The following EEF1E1 variants were observed in gnomAD, a reference collection of about 807,000 sequenced individuals.
EEF1E1 encodes the protein eukaryotic translation elongation factor 1 epsilon-1.
EEF1E1 carries 19 observed loss-of-function variants against 19.9 expected under a neutral mutation model. The observed-to-expected ratio is 0.95, with a 90% confidence interval of 0.66 to 1.40. The LOEUF is 1.40. Among genes scored for constraint, EEF1E1 ranks in the 40% most tolerant of loss-of-function variants. The pLI, the probability that EEF1E1 is intolerant of heterozygous loss-of-function variation, is 0.00. For synonymous variants in EEF1E1, 81 were observed against 80.0 expected, an observed-to-expected ratio of 1.01 and a Z score of -0.07; for missense variants, 198 against 202.2, an observed-to-expected ratio of 0.98 and a Z score of 0.13.
chr6:8,077,000 T>C (rs1029648770), downstream of EEF1E1, among the ~76,000 whole-genome samples: 13 of 51,964 alleles, frequency 2.5e-4, no homozygotes, highest in African/African-American at 6.1e-4. Flanking sequence ...TGGAGTGCAG[T>C]GGCAGCGATC....
chr6:8,084,920 C>CT (rs1444005734), intron 3 of EEF1E1, among the ~76,000 whole-genome samples: 1 of 152,048 alleles, frequency 6.6e-6, no homozygotes, highest in Non-Finnish European at 1.5e-5. Context: ...ACCTTGCAGG[C>CT]TTTTTTTGTT....
At chr6:8,077,499 C>T (rs780881836), downstream of EEF1E1, among the ~76,000 whole-genome samples, 1 of 152,198 alleles carries the variant, frequency 6.6e-6, no homozygotes, top group Non-Finnish European at 1.5e-5. Context: ...TTAGCTAGAT[C>T]TTGCAGTCTA....
chr6:8,094,189 G>C (rs1758101444), intron 2 of EEF1E1, among the ~76,000 whole-genome samples: 1 of 152,148 alleles, frequency 6.6e-6, no homozygotes, highest in Non-Finnish European at 1.5e-5. Context: ...TTTTGTGGAA[G>C]AGGCCACTCT....
chr6:8,099,778 ACACAC>A (rs1309469305), intron 1 of EEF1E1, among the ~76,000 whole-genome samples: 35 of 127,296 alleles, frequency 2.7e-4, no homozygotes, highest in Non-Finnish European at 3.3e-4. Context: ...ACACACACAC[ACACAC>A]ACACACACAA....
rs1757978899 is a variant in EEF1E1, at chr6:8,090,226, AATGTAAAGTTATACCCTG to A, written c.326_343del (p.Thr109_Leu115delinsIle). On this transcript the variant is annotated inframe_deletion, in exon 3 of 4. Transcript: ENST00000379715. The stretch of plus-strand genomic sequence containing the variant: ...TCCATAGTACAATAGTATATCTGCT[AATGTAAAGTTATACCCTG>A]TAAGGTAGACTTTATCTTCAAGATA... 1 of 1,526,684 alleles carries A rather than the reference AATGTAAAGTTATACCCTG, an allele frequency of 6.6e-7. No homozygotes were observed. Among genetic ancestry groups the A allele is most frequent in the African/African-American group, 1.4e-5 (1 of 69,800 alleles). The allele number at this position is 1,526,684 out of a possible 1,614,324, so 94.6% of individuals were successfully genotyped here.
At chr6:8,088,429 G>T (rs1291911707) in intron 3 of EEF1E1, among the ~76,000 whole-genome samples, 1 of 152,136 alleles carries the variant, frequency 6.6e-6, no homozygotes, top group African/African-American at 2.4e-5. Flanking sequence ...GGAACCTGGT[G>T]GGAGGTAATT....
intron 1 of EEF1E1, among the ~76,000 whole-genome samples, chr6:8,100,582 G>A (rs72496782): frequency 0.19 from 29,525 of 151,976 alleles, 3,346 homozygotes; most frequent in Non-Finnish European, 0.26. Context: ...ACTCAAGTTA[G>A]CTCACTGCAA....
chr6:8,082,277 TTTA>T (rs988862508), intron 3 of EEF1E1, among the ~76,000 whole-genome samples: 4 of 152,138 alleles, frequency 2.6e-5, no homozygotes, highest in African/African-American at 7.2e-5. Context: ...CAATGATTTA[TTTA>T]TTATTATTAT....
chr6:8,082,499 G>A (rs749042945), intron 3 of EEF1E1, among the ~76,000 whole-genome samples: 4 of 152,044 alleles, frequency 2.6e-5, no homozygotes, highest in Non-Finnish European at 5.9e-5. Context: ...GGCTGGTCTC[G>A]AACTCCTGGC....
At chr6:8,092,351 T>C (rs1758034706) in intron 2 of EEF1E1, among the ~76,000 whole-genome samples, 1 of 152,250 alleles carries the variant, frequency 6.6e-6, no homozygotes, top group African/African-American at 2.4e-5. Flanking sequence ...TTAATCTCTT[T>C]GAGTTTGCAA....
rs529262727 is a variant in EEF1E1, at chr6:8,097,052, G to A, written c.288+215C>T. On this transcript the variant is annotated intron_variant, in intron 2 of 3. Transcript: ENST00000379715. The stretch of plus-strand genomic sequence containing the variant: ...AACAAAGAACCTCATCCAGCTGAGA[G>A]AGAAGTAGTCAAGGAAGTTTCCAAG... Among the ~76,000 whole-genome samples the A allele has an allele frequency of 2.6e-5, 4 of 152,360 alleles. No homozygotes were observed. In the South Asian group the frequency reaches 8.3e-4, roughly 32 times the overall value.
At chr6:8,099,575 C>T (rs1425080620) in intron 1 of EEF1E1, among the ~76,000 whole-genome samples, 1 of 152,020 alleles carries the variant, frequency 6.6e-6, no homozygotes, top group African/African-American at 2.4e-5. Flanking sequence ...GGAGAAACCC[C>T]GTCTCTACTA....
At chr6:8,096,478 C>G in intron 2 of EEF1E1, among the ~76,000 whole-genome samples, 1 of 152,176 alleles carries the variant, frequency 6.6e-6, no homozygotes, top group East Asian at 1.9e-4. Context: ...ATCAAGAACA[C>G]AGTTTGAGCC....
chr6:8,091,815 G>A (rs74797441), intron 2 of EEF1E1, among the ~76,000 whole-genome samples: 9,244 of 152,300 alleles, frequency 0.061, 382 homozygotes, highest in Non-Finnish European at 0.088. Flanking sequence ...GTCCAGTGAT[G>A]AACAGCATTT....
At chr6:8,101,403 G>A (rs976126542) in intron 1 of EEF1E1, among the ~76,000 whole-genome samples, 2 of 149,418 alleles carry the variant, frequency 1.3e-5, no homozygotes, top group Non-Finnish European at 3.0e-5. Flanking sequence ...CCGAAGGGAC[G>A]GAATTATCAC....
intron 3 of EEF1E1, among the ~76,000 whole-genome samples, chr6:8,085,297 A>G (rs183716179): frequency 4.7e-5 from 7 of 150,352 alleles, no homozygotes; most frequent in Non-Finnish European, 1.0e-4. Flanking sequence ...ACAGTCACAG[A>G]GCTACCACGC....
At chr6:8,102,088 GA>G (rs560208901) in intron 1 of EEF1E1, 78,698 of 760,396 alleles carry the variant, frequency 0.1, 2 homozygotes, top group South Asian at 0.22. Context: ...GCGATTACGG[GA>G]AAAAAAAAAA....
In EEF1E1 at chr6:8,084,694, C is replaced by A. The variant is rs191121791; in HGVS notation, c.385-4664G>T. ...AAAGCTTAAAAAGTTAAATGTCAAA[C>A]CATATGTCACATTTAAATATATATT... On this transcript the variant is annotated intron_variant, in intron 3 of 3. Transcript: ENST00000379715. 1.8e-3 allele frequency among the ~76,000 whole-genome samples: 271 copies of A among 152,262 alleles called. 3 individuals are homozygous for A. The highest frequency in any genetic ancestry group is 6.3e-3 in the African/African-American group (260 of 41,536).
At chr6:8,082,585 T>A (rs1335818008) in intron 3 of EEF1E1, among the ~76,000 whole-genome samples, 1 of 152,162 alleles carries the variant, frequency 6.6e-6, no homozygotes, top group Non-Finnish European at 1.5e-5. Flanking sequence ...AACCCCCTAT[T>A]CTAATAATTT....
Sources: gnomAD v4.1 joint callset for allele counts (sites outside exome capture counted in the v4.1 genomes callset) on GRCh38, gnomAD v4.1.1 for gene constraint, MANE v1.5 for transcripts, NCBI Gene and HGNC (gene_info 2026-07-23, HGNC 2026-07-21) for gene names.